PTPN9: variants seen among roughly 807,000 people sequenced by gnomAD.
The protein encoded by PTPN9 is tyrosine-protein phosphatase non-receptor type 9.
In PTPN9, 26 loss-of-function variants were observed where a neutral mutation model predicts 69.8. The observed-to-expected ratio is 0.37, with a 90% CI of 0.27 to 0.52. The LOEUF is 0.52. Ranked by LOEUF, PTPN9 falls within the 20% of genes least tolerant of loss-of-function variation. The pLI, the probability that PTPN9 is intolerant of heterozygous loss-of-function variation, is 0.91. For missense variants in PTPN9, 549 were observed against 740.3 expected (o/e 0.74, Z 3.00); for synonymous variants, 274 against 272.5 (o/e 1.01, Z -0.05).
chr15:75,531,493 T>C (rs2141325271), intron 1 of PTPN9, among the ~76,000 whole-genome samples: 1 of 151,906 alleles, frequency 6.6e-6, no homozygotes, highest in East Asian at 1.9e-4. Context: ...GAAAAAGAAG[T>C]GAGCACAGAA....
At chr15:75,474,913 TG>T (rs1370608493) in intron 9 of PTPN9, among the ~76,000 whole-genome samples, 2 of 152,208 alleles carry the variant, frequency 1.3e-5, no homozygotes, top group Non-Finnish European at 2.9e-5. Flanking sequence ...ATGCTCACTT[TG>T]GCCTCTATTC....
At chr15:75,544,233 G>A (rs184720167) in intron 1 of PTPN9, among the ~76,000 whole-genome samples, 5 of 152,238 alleles carry the variant, frequency 3.3e-5, no homozygotes, top group Non-Finnish European at 5.9e-5. Context: ...GAAACCTGCC[G>A]AGTAAACAAG....
At chr15:75,491,656 T>C (rs1394984111) in intron 7 of PTPN9, among the ~76,000 whole-genome samples, 4 of 152,118 alleles carry the variant, frequency 2.6e-5, no homozygotes, top group South Asian at 2.1e-4. Context: ...AGAAGAGCTA[T>C]AGAGAAAGCC....
In PTPN9 at chr15:75,578,913, C is replaced by A; in HGVS notation, c.-137G>T. On this transcript the variant is annotated 5_prime_UTR_variant, in exon 1 of 13. Transcript: ENST00000618819. The stretch of plus-strand genomic sequence containing the variant: ...GCATAGTGTGGCCGGCAGGGCCCGG[C>A]GCCTGCAGCGGCCGCAAACGCCGCT... The A allele has an allele frequency of 2.2e-6, 1 of 448,556 alleles. No homozygotes were observed. The highest frequency in any genetic ancestry group is 3.4e-6 in the Non-Finnish European group (1 of 297,092). The allele number at this position is 448,556 out of a possible 1,614,324, so 27.8% of individuals were successfully genotyped here.
At chr15:75,550,784 T>C (rs1242613809) in intron 1 of PTPN9, among the ~76,000 whole-genome samples, 1 of 151,946 alleles carries the variant, frequency 6.6e-6, no homozygotes, top group East Asian at 1.9e-4. Flanking sequence ...AACTCCATCT[T>C]GGAAAATAAA....
chr15:75,488,037 T>G (rs957567932), intron 8 of PTPN9, among the ~76,000 whole-genome samples: 1 of 152,172 alleles, frequency 6.6e-6, no homozygotes. Flanking sequence ...TCCCAGCACT[T>G]TGGGAGGCTG....
chr15:75,572,935 A>T (rs935829032), intron 1 of PTPN9, among the ~76,000 whole-genome samples: 1 of 152,138 alleles, frequency 6.6e-6, no homozygotes, highest in Admixed American at 6.6e-5. Context: ...TACACAGCTG[A>T]GTAAAGGTTT....
intron 8 of PTPN9, among the ~76,000 whole-genome samples, chr15:75,483,537 A>C (rs936136023): frequency 6.6e-6 from 1 of 152,220 alleles, no homozygotes; most frequent in East Asian, 1.9e-4. Context: ...GAAATAAATC[A>C]GAGTGGGTTA....
chr15:75,517,236 G>C (rs2074875223), intron 5 of PTPN9, 23 bp downstream of exon 5: 2 of 1,544,708 alleles, frequency 1.3e-6, no homozygotes, highest in Admixed American at 3.7e-5. Context: ...AAGGAAACTT[G>C]AGAGGGCCCT....
At chr15:75,503,886 C>T (rs1245568267) in intron 7 of PTPN9, among the ~76,000 whole-genome samples, 11 of 121,268 alleles carry the variant, frequency 9.1e-5, no homozygotes, top group Non-Finnish European at 1.5e-4. Flanking sequence ...CGGCCAGCCG[C>T]CCCGTCCGGG....
intron 1 of PTPN9, among the ~76,000 whole-genome samples, chr15:75,545,142 T>C (rs779136289): frequency 6.6e-6 from 1 of 152,204 alleles, no homozygotes; most frequent in Non-Finnish European, 1.5e-5. Context: ...ACACCAAGCA[T>C]AGTGACACCA....
intron 9 of PTPN9, among the ~76,000 whole-genome samples, chr15:75,479,205 G>A (rs2074613898): frequency 6.6e-6 from 1 of 152,204 alleles, no homozygotes; most frequent in African/African-American, 2.4e-5. Context: ...TACTCAGGAG[G>A]CTGAGGCAGG....
At chr15:75,563,310 T>A (rs554560219) in intron 1 of PTPN9, among the ~76,000 whole-genome samples, 21 of 152,292 alleles carry the variant, frequency 1.4e-4, no homozygotes, top group Admixed American at 4.6e-4. Context: ...TGCCTCAGCC[T>A]CCCAAGTAGC....
At chr15:75,518,271 C>T (rs2074881979) in intron 4 of PTPN9, among the ~76,000 whole-genome samples, 1 of 151,610 alleles carries the variant, frequency 6.6e-6, no homozygotes, top group Non-Finnish European at 1.5e-5. Context: ...CCCAGGAGGT[C>T]GAGGCTACAG....
intron 7 of PTPN9, among the ~76,000 whole-genome samples, chr15:75,502,530 T>G (rs970415781): frequency 6.6e-6 from 1 of 151,830 alleles, no homozygotes; most frequent in African/African-American, 2.4e-5. Flanking sequence ...TGTGTGTGGG[T>G]GTGTATATAT....
rs1015885114 is a variant in PTPN9 at position 75,566,824 on chromosome 15, T to C, written c.63+11890A>G. Among the ~76,000 whole-genome samples, 50 of 152,074 alleles carry C rather than the reference T, an allele frequency of 3.3e-4. 1 individual carries two copies. Among genetic ancestry groups the C allele is most frequent in the African/African-American group, 1.2e-3 (49 of 41,506 alleles). On this transcript the variant is annotated intron_variant, in intron 1 of 12. Coordinates refer to ENST00000618819, the MANE Select transcript of PTPN9 (RefSeq NM_002833.4). ...GCAACATAGTGAGGTCCTATCTCTA[T>C]TAATGAGAAAAAAAAATTAGCTGGA... is the stretch of plus-strand genomic sequence containing the variant.
chr15:75,578,770 G>A lies in PTPN9; in HGVS notation c.7C>T (p.Pro3Ser). Residue 3 changes from proline (P) to serine (S), a missense_variant, in exon 1 of 13, where the codon CCC (proline) becomes TCC (serine). By Grantham distance (74) the Pro-to-Ser change is moderately conservative (BLOSUM62 -1). Transcript: ENST00000618819. Reference protein sequence around the residue: MEPATAPRPDMAP... With the variant: MESATAPRPDMAP... ...ATGTCGGGCCGGGGCGCGGTCGCGG[G>A]CTCCATCCCCCCGCCACCGCCGCCG... 1 of 1,264,190 alleles carries A rather than the reference G, an allele frequency of 7.9e-7. No homozygotes were observed. The highest frequency in any genetic ancestry group is 9.9e-7 in the Non-Finnish European group (1 of 1,006,112). The allele number at this position is 1,264,190 out of a possible 1,614,324, so 78.3% of individuals were successfully genotyped here.
At chr15:75,545,176 G>A (rs2075026870) in intron 1 of PTPN9, among the ~76,000 whole-genome samples, 1 of 152,288 alleles carries the variant, frequency 6.6e-6, no homozygotes, top group Middle Eastern at 3.4e-3. Context: ...ATGTGTCAAT[G>A]GTGATGGGCT....
chr15:75,466,473 C>T lies in PTPN9; in HGVS notation c.*2296G>A, dbSNP rs1266559774. ...AGATCTTCTCACAAAGACCATGTAC[C>T]CATAGATATGGAGTCTCCTGGGGAG... On this transcript the variant is annotated 3_prime_UTR_variant, in exon 13 of 13. Transcript: ENST00000618819. The T allele has an allele frequency of 6.6e-6, 1 of 152,086 alleles. No individual in the cohort carries two copies. The highest frequency in any genetic ancestry group is 2.4e-5 in the African/African-American group (1 of 41,384). 9.4% of individuals were successfully genotyped at this position (152,086 alleles called of 1,614,324 possible).
Sources: gnomAD v4.1 joint callset for allele counts (sites outside exome capture counted in the v4.1 genomes callset) on GRCh38, gnomAD v4.1.1 for gene constraint, MANE v1.5 for transcripts, NCBI Gene and HGNC (gene_info 2026-07-23, HGNC 2026-07-21) for gene names.